The following EBF2 variants were observed in gnomAD, a reference collection of about 807,000 sequenced individuals.
The protein encoded by EBF2 is transcription factor COE2.
A neutral mutation model predicts 72.8 loss-of-function variants in EBF2; 21 were observed. The ratio of observed to expected loss-of-function variants is 0.29; its 90% CI spans 0.20 to 0.42. The LOEUF (loss-of-function observed/expected upper bound fraction) is 0.42. EBF2 is among the 10% of genes least tolerant of loss of function. The pLI is 1.00. For synonymous variants in EBF2, 299 were observed against 274.2 expected (o/e 1.09, Z -0.89); for missense variants, 637 against 731.2 (o/e 0.87, Z 1.49).
intron 6 of EBF2, among the ~76,000 whole-genome samples, chr8:25,922,463 A>G (rs1366229021): frequency 6.6e-6 from 1 of 152,230 alleles, no homozygotes; most frequent in Non-Finnish European, 1.5e-5. Context: ...AATAAGGATG[A>G]GTCAAATAAG....
At chr8:25,902,522 A>C (rs984480219) in intron 7 of EBF2, among the ~76,000 whole-genome samples, 1 of 151,886 alleles carries the variant, frequency 6.6e-6, no homozygotes, top group African/African-American at 2.4e-5. Context: ...TATTTTAATC[A>C]ATTATTTTAA....
chr8:25,961,466 C>G (rs1804032971), intron 6 of EBF2, among the ~76,000 whole-genome samples: 1 of 152,120 alleles, frequency 6.6e-6, no homozygotes, highest in South Asian at 2.1e-4. Context: ...CAAGTTCAAG[C>G]AATTACCTGC....
intron 6 of EBF2, among the ~76,000 whole-genome samples, chr8:25,952,045 C>T (rs1803871529): frequency 6.6e-6 from 1 of 152,162 alleles, no homozygotes; most frequent in Non-Finnish European, 1.5e-5. Flanking sequence ...GTAATTCCAA[C>T]CCTGTGGAAG....
chr8:25,895,205 C>T (rs922954991), intron 7 of EBF2, among the ~76,000 whole-genome samples: 4 of 152,334 alleles, frequency 2.6e-5, no homozygotes, highest in African/African-American at 9.6e-5. Flanking sequence ...TGACAGCTCT[C>T]CTCAACTGAT....
rs1442560523 is a variant in EBF2, at chr8:25,887,832, C to G, written c.882+10G>C. 3 of 1,585,240 alleles carry G rather than the reference C, an allele frequency of 1.9e-6. No homozygotes were observed. Among genetic ancestry groups the G allele is most frequent in the South Asian group, 1.2e-5 (1 of 85,726 alleles). On this transcript the variant is annotated intron_variant, in intron 9 of 15. Coordinates refer to ENST00000520164, the MANE Select transcript of EBF2 (RefSeq NM_022659.4). ...AAGGAAATCAGAGTAAGCCTGTTGC[C>G]TCTGCTTACCTCGCTCCATACAAGC...
chr8:25,935,416 T>C (rs1035797843), intron 6 of EBF2, among the ~76,000 whole-genome samples: 3 of 152,196 alleles, frequency 2.0e-5, no homozygotes, highest in African/African-American at 7.2e-5. Flanking sequence ...TCAATAAAGC[T>C]GAACAGATGT....
intron 6 of EBF2, among the ~76,000 whole-genome samples, chr8:26,027,794 T>C (rs1805324037): frequency 6.6e-6 from 1 of 152,114 alleles, no homozygotes; most frequent in Non-Finnish European, 1.5e-5. Flanking sequence ...AAAGAAAGGA[T>C]ATTCTGACAC....
intron 7 of EBF2, among the ~76,000 whole-genome samples, chr8:25,893,154 G>C (rs1263974891): frequency 6.6e-6 from 1 of 151,188 alleles, no homozygotes; most frequent in Admixed American, 6.6e-5. Flanking sequence ...AGAGAAGAAA[G>C]AATCAAACCA....
At chr8:25,986,794 G>A (rs1453048312) in intron 6 of EBF2, among the ~76,000 whole-genome samples, 1 of 152,188 alleles carries the variant, frequency 6.6e-6, no homozygotes, top group Non-Finnish European at 1.5e-5. Context: ...GATAAAAGCT[G>A]AATGGATAAG....
At chr8:25,902,781 G>T (rs147484671) in intron 7 of EBF2, among the ~76,000 whole-genome samples, 59 of 152,288 alleles carry the variant, frequency 3.9e-4, no homozygotes, top group African/African-American at 1.4e-3. Context: ...CATCACTAAG[G>T]TGGTGACATT....
intron 6 of EBF2, among the ~76,000 whole-genome samples, chr8:26,019,174 T>C (rs1805165298): frequency 6.6e-6 from 1 of 152,150 alleles, no homozygotes; most frequent in Non-Finnish European, 1.5e-5. Flanking sequence ...CAAGAAGCTT[T>C]TAGGAAGTAT....
chr8:25,957,656 A>C (rs1585207874), intron 6 of EBF2, among the ~76,000 whole-genome samples: 2 of 152,318 alleles, frequency 1.3e-5, no homozygotes, highest in Admixed American at 1.3e-4. Flanking sequence ...TGAACCCAGG[A>C]GTTCAAGACC....
At chr8:25,866,511 CAT>C (rs1300317691) in intron 10 of EBF2, among the ~76,000 whole-genome samples, 4 of 133,986 alleles carry the variant, frequency 3.0e-5, no homozygotes, top group African/African-American at 5.5e-5. Flanking sequence ...ATATATAGGA[CAT>C]ATATAATATA....
chr8:25,917,534 G>C (rs1803239833), intron 6 of EBF2, among the ~76,000 whole-genome samples: 1 of 152,038 alleles, frequency 6.6e-6, no homozygotes, highest in Admixed American at 6.5e-5. Context: ...CCTTTCCTCT[G>C]TCTTCTCATC....
intron 6 of EBF2, among the ~76,000 whole-genome samples, chr8:26,000,407 C>T (rs926313510): frequency 2.0e-5 from 3 of 152,130 alleles, no homozygotes; most frequent in Admixed American, 6.5e-5. Flanking sequence ...GTTGTCTCTG[C>T]ACTTACAGCC....
intron 6 of EBF2, among the ~76,000 whole-genome samples, chr8:25,928,941 C>T (rs748305995): frequency 2.0e-5 from 3 of 152,114 alleles, no homozygotes; most frequent in South Asian, 2.1e-4. Context: ...AGAATGCTTT[C>T]GAGGATTAAA....
At position 25,852,357 on chromosome 8, in the gene EBF2, A is replaced by G. The variant is rs185108968; in HGVS notation, c.1529-1596T>C. The stretch of plus-strand genomic sequence containing the variant: ...CCCAACTTTTCATTTTCTCTACGGT[A>G]CAGAATTAGAAGCCAAAGAAAAGCT... On this transcript the variant is annotated intron_variant, in intron 14 of 15. Coordinates refer to ENST00000520164, the MANE Select transcript of EBF2 (RefSeq NM_022659.4). Among the ~76,000 whole-genome samples, 7 of 152,270 alleles carry G rather than the reference A, an allele frequency of 4.6e-5. No homozygotes were observed. The East Asian group carries it at 7.7e-4, about 17-fold the overall frequency.
At chr8:25,977,744 G>C (rs1466103574) in intron 6 of EBF2, among the ~76,000 whole-genome samples, 1 of 152,124 alleles carries the variant, frequency 6.6e-6, no homozygotes. Context: ...ATGTACAAAT[G>C]CTATTGGCTG....
chr8:25,937,020 G>T lies in EBF2; in HGVS notation c.552-28465C>A, dbSNP rs1803590872. ...TAGAGGAAACGGGATTACAATTGGA[G>T]CTGATTTTTGGTAAGTATTTAACTA... On this transcript the variant is annotated intron_variant, in intron 6 of 15. Coordinates refer to ENST00000520164, the MANE Select transcript of EBF2 (RefSeq NM_022659.4). Among the ~76,000 whole-genome samples the T allele has an allele frequency of 2.0e-5, 3 of 152,168 alleles. No individual in the cohort carries two copies. The South Asian group carries it at 6.2e-4, about 31-fold the overall frequency.
Sources: gnomAD v4.1 joint callset for allele counts (sites outside exome capture counted in the v4.1 genomes callset) on GRCh38, gnomAD v4.1.1 for gene constraint, MANE v1.5 for transcripts, NCBI Gene and HGNC (gene_info 2026-07-23, HGNC 2026-07-21) for gene names.